The following KIRREL3 variants were observed in gnomAD, a reference collection of about 807,000 sequenced individuals.
KIRREL3 encodes kirre like nephrin family adhesion molecule 3.
In KIRREL3, 36 loss-of-function variants were observed where a neutral mutation model predicts 89.7. That is an observed-to-expected ratio of 0.40 (90% CI 0.31 to 0.53). The LOEUF (loss-of-function observed/expected upper bound fraction) is 0.53. KIRREL3 is among the 20% of genes least tolerant of loss of function. KIRREL3 has a pLI of 0.49. For missense variants in KIRREL3, 864 were observed against 1,056.6 expected (o/e 0.82, Z 2.53); for synonymous variants, 445 against 441.4 (o/e 1.01, Z -0.10).
chr11:126,510,727 G>T, intron 4 of KIRREL3, among the ~76,000 whole-genome samples: 1 of 152,088 alleles, frequency 6.6e-6, no homozygotes, highest in East Asian at 1.9e-4. Context: ...TAAAAATTGT[G>T]TACACAGTAT....
intron 1 of KIRREL3, among the ~76,000 whole-genome samples, chr11:126,930,866 T>C (rs1019440364): frequency 6.6e-6 from 1 of 152,192 alleles, no homozygotes; most frequent in African/African-American, 2.4e-5. Flanking sequence ...TCTGCAGACA[T>C]AGAGCTGTAC....
At position 126,605,476 on chromosome 11, in the gene KIRREL3, A is replaced by T. The variant is rs1942848882; in HGVS notation, c.56-42564T>A. On this transcript the variant is annotated intron_variant, in intron 1 of 16. Transcript: ENST00000525144. The surrounding 1 kb of genome is among the most constrained non-coding windows in gnomAD (Gnocchi z 5.7). ...GGGGGCTCAGGATGGGACCTACTTC[A>T]TGGGACATGATGGATGAGACTCAGG... Among the ~76,000 whole-genome samples the T allele has an allele frequency of 6.6e-6, 1 of 152,114 alleles. No homozygotes were observed. The highest frequency in any genetic ancestry group is 6.5e-5 in the Admixed American group (1 of 15,276).
chr11:126,457,995 G>A (rs1377983758), intron 6 of KIRREL3, among the ~76,000 whole-genome samples: 1 of 152,192 alleles, frequency 6.6e-6, no homozygotes, highest in South Asian at 2.1e-4. Context: ...CACCCCTGCT[G>A]CTGGGCTCCT....
chr11:126,991,737 T>G lies in KIRREL3; in HGVS notation c.55+8718A>C, dbSNP rs537294418. On this transcript the variant is annotated intron_variant, in intron 1 of 16. Coordinates refer to ENST00000525144, the MANE Select transcript of KIRREL3 (RefSeq NM_032531.4). This position sits in a 1 kb window ranked among gnomAD's most constrained non-coding sequence, Gnocchi z 5.8. ...TGCATGATTTTCATAGGAAACTCCC[T>G]AAAATCCTTTTCCAGTCCTAGACAC... is the stretch of plus-strand genomic sequence containing the variant. Among the ~76,000 whole-genome samples the G allele has an allele frequency of 3.5e-4, 53 of 152,342 alleles. No individual in the cohort carries two copies. The highest frequency in any genetic ancestry group is 1.3e-3 in the African/African-American group (53 of 41,580).
Position 126,900,186 on chromosome 11 carries a change from G to A in KIRREL3, c.55+100269C>T, listed in dbSNP as rs974230075. On this transcript the variant is annotated intron_variant, in intron 1 of 16. Transcript: ENST00000525144. The surrounding 1 kb of genome is among the most constrained non-coding windows in gnomAD (Gnocchi z 4.4). ...ATGTGTGTAAATATACAGCTCTCAT[G>A]TGCCTAATTTATAGCAAGTCACCTA... 6.6e-6 allele frequency among the ~76,000 whole-genome samples: 1 copy of A among 152,158 alleles called. No individual in the cohort carries two copies.
chr11:126,622,456 C>T lies in KIRREL3; in HGVS notation c.56-59544G>A, dbSNP rs1943611734. On this transcript the variant is annotated intron_variant, in intron 1 of 16. Transcript: ENST00000525144. This position sits in a 1 kb window ranked among gnomAD's most constrained non-coding sequence, Gnocchi z 5.2. ...TGGAGGAAGGGTAGCTACTGATGAG[C>T]CTTCCCTGCAGCAATTGTGTCCCAA... Among the ~76,000 whole-genome samples the T allele has an allele frequency of 6.6e-6, 1 of 152,092 alleles. No homozygotes were observed. Among genetic ancestry groups the T allele is most frequent in the Non-Finnish European group, 1.5e-5 (1 of 68,030 alleles).
chr11:126,921,072 G>T (rs140945569), intron 1 of KIRREL3, among the ~76,000 whole-genome samples: 2 of 152,328 alleles, frequency 1.3e-5, no homozygotes, highest in Non-Finnish European at 2.9e-5. Flanking sequence ...GGCCTGGATA[G>T]AACCACAAGG....
chr11:126,714,688 T>G (rs969655837), intron 1 of KIRREL3, among the ~76,000 whole-genome samples: 1 of 152,138 alleles, frequency 6.6e-6, no homozygotes, highest in African/African-American at 2.4e-5. Flanking sequence ...CACAGTGGTA[T>G]CTACATGATG....
rs1256799413 is a variant in KIRREL3, at chr11:126,694,950, G to C, written c.56-132038C>G. ...CACTCCTTTGCTTTGATTGGGAGAT[G>C]AGATGCGAGTCTCAATGCCTAGAAT... On this transcript the variant is annotated intron_variant, in intron 1 of 16. Coordinates refer to ENST00000525144, the MANE Select transcript of KIRREL3 (RefSeq NM_032531.4). This position sits in a 1 kb window ranked among gnomAD's most constrained non-coding sequence, Gnocchi z 4.4. Among the ~76,000 whole-genome samples, 1 of 152,212 alleles carries C rather than the reference G, an allele frequency of 6.6e-6. No homozygotes were observed. The highest frequency in any genetic ancestry group is 2.4e-5 in the African/African-American group (1 of 41,444).
In KIRREL3 at chr11:126,486,950, C is replaced by T. The variant is rs561233409; in HGVS notation, c.434-13484G>A. ...GATATAGTTGGTTTTGCTATGGGCT[C>T]CCCATCCGGTAAATCCACCTCCTCA... On this transcript the variant is annotated intron_variant, in intron 4 of 16. Coordinates refer to ENST00000525144, the MANE Select transcript of KIRREL3 (RefSeq NM_032531.4). This position sits in a 1 kb window ranked among gnomAD's most constrained non-coding sequence, Gnocchi z 6.2. Among the ~76,000 whole-genome samples, 3 of 152,222 alleles carry T rather than the reference C, an allele frequency of 2.0e-5. No individual in the cohort carries two copies. The highest frequency in any genetic ancestry group is 7.2e-5 in the African/African-American group (3 of 41,532).
In KIRREL3 at chr11:126,624,591, G is replaced by A. The variant is rs1001742263; in HGVS notation, c.56-61679C>T. ...CACTCTACTGTGTTATTCACCTGAC[G>A]GATTAAGCTCAGCAGAGGCAAGCTG... On this transcript the variant is annotated intron_variant, in intron 1 of 16. Coordinates refer to ENST00000525144, the MANE Select transcript of KIRREL3 (RefSeq NM_032531.4). This position sits in a 1 kb window ranked among gnomAD's most constrained non-coding sequence, Gnocchi z 6.0. Among the ~76,000 whole-genome samples the A allele has an allele frequency of 2.6e-5, 4 of 152,170 alleles. No homozygotes were observed. Among genetic ancestry groups the A allele is most frequent in the Non-Finnish European group, 4.4e-5 (3 of 68,044 alleles).
intron 1 of KIRREL3, among the ~76,000 whole-genome samples, chr11:126,945,547 G>T (rs1948598639): frequency 6.6e-6 from 1 of 152,192 alleles, no homozygotes; most frequent in African/African-American, 2.4e-5. Flanking sequence ...CCCAGGCTGT[G>T]GGGAAACAGA....
At chr11:126,518,248 C>G (rs989841711) in intron 4 of KIRREL3, among the ~76,000 whole-genome samples, 9 of 152,254 alleles carry the variant, frequency 5.9e-5, no homozygotes, top group African/African-American at 1.9e-4. Flanking sequence ...GGCCGAGTCC[C>G]CATGCCTTCC....
intron 1 of KIRREL3, among the ~76,000 whole-genome samples, chr11:126,785,792 T>A (rs1950469009): frequency 6.9e-6 from 1 of 145,370 alleles, no homozygotes. Context: ...GGGAATCGCT[T>A]GAACCCAGGA....
At chr11:126,827,874 T>A (rs1943470714) in intron 1 of KIRREL3, among the ~76,000 whole-genome samples, 1 of 152,148 alleles carries the variant, frequency 6.6e-6, no homozygotes, top group African/African-American at 2.4e-5. Flanking sequence ...TGCCTTGTCA[T>A]CTGATTGCCA....
At chr11:126,738,159 T>A (rs1008222076) in intron 1 of KIRREL3, among the ~76,000 whole-genome samples, 1 of 152,216 alleles carries the variant, frequency 6.6e-6, no homozygotes, top group Non-Finnish European at 1.5e-5. Context: ...CTGCCAAGCA[T>A]GTGCCACCAA....
At chr11:126,665,037 C>T (rs1414266221) in intron 1 of KIRREL3, among the ~76,000 whole-genome samples, 1 of 152,208 alleles carries the variant, frequency 6.6e-6, no homozygotes, top group Non-Finnish European at 1.5e-5. Context: ...CTTTATCCAG[C>T]TTGTATCCTC....
At chr11:126,552,550 G>GTTTT (rs59392843) in intron 2 of KIRREL3, among the ~76,000 whole-genome samples, 3,707 of 81,514 alleles carry the variant, frequency 0.045, 740 homozygotes, top group Non-Finnish European at 0.066. Flanking sequence ...AGAGAGAAAA[G>GTTTT]TTTTTTTTTT....
chr11:126,774,327 G>A (rs1167167831), intron 1 of KIRREL3, among the ~76,000 whole-genome samples: 1 of 152,126 alleles, frequency 6.6e-6, no homozygotes, highest in Non-Finnish European at 1.5e-5. Flanking sequence ...GTCCACTGTG[G>A]AGGCCACCTC....
Sources: gnomAD v4.1 joint callset for allele counts (sites outside exome capture counted in the v4.1 genomes callset) on GRCh38, gnomAD v4.1.1 for gene constraint, Gnocchi (gnomAD v3.1) non-coding constraint, MANE v1.5 for transcripts, NCBI Gene and HGNC (gene_info 2026-07-23, HGNC 2026-07-21) for gene names.